MYBPC1: variants seen among roughly 807,000 people sequenced by gnomAD.
MYBPC1 encodes myosin binding protein C1.
MYBPC1 carries 52 observed loss-of-function variants against 147.1 expected under a neutral mutation model. That is an observed-to-expected ratio of 0.35 (90% CI 0.28 to 0.45). The LOEUF (loss-of-function observed/expected upper bound fraction) is 0.45. Ranked by LOEUF, MYBPC1 falls within the 20% of genes least tolerant of loss-of-function variation. The pLI is 1.00. For synonymous variants in MYBPC1, 477 were observed against 475.9 expected (o/e 1.00, Z -0.03); for missense variants, 1,228 against 1,440.3 (o/e 0.85, Z 2.39).
chr12:101,694,659 A>G, the MYBPC1 span, among the ~76,000 whole-genome samples: 1 of 152,202 alleles, frequency 6.6e-6, no homozygotes, highest in South Asian at 2.1e-4. Context: ...TTGACTTTGG[A>G]CTTCCCAGCC....
At position 101,673,547 on chromosome 12, in the gene MYBPC1, C is replaced by T. The variant is rs774451939; in HGVS notation, c.2734C>T (p.His912Tyr). Residue 912 changes from histidine to tyrosine, a missense_variant, in exon 25 of 32, where the codon CAC (histidine) becomes TAC (tyrosine). By Grantham distance (83) the His-to-Tyr change is moderately conservative (BLOSUM62 2). This residue lies in a region of MYBPC1 where 1,077 missense variants were observed against 1,314.2 expected (regional missense o/e 0.82). Transcript: ENST00000361466. ...IIFIRKAERS[H>Y]SGKYDLQVKV... Reference sequence around the variant, plus strand: ...ATTTATTAGAAAAGCAGAGAGGAGCCACTCTGGGAAATATGATCTGCAAGT... The same window carrying T: ...ATTTATTAGAAAAGCAGAGAGGAGCTACTCTGGGAAATATGATCTGCAAGT... The T allele has an allele frequency of 6.8e-6, 11 of 1,613,968 alleles. No homozygotes were observed. The South Asian group carries it at 1.2e-4, about 18-fold the overall frequency.
Position 101,673,510 on chromosome 12 carries a change from T to C in MYBPC1, c.2697T>C (p.Thr899=). ...KNQINIRNSE[T]DTIIFIRKAE... Reference sequence around the variant, plus strand: ...AAATAAACATTCGCAACTCTGAGACTGATACAATCATATTTATTAGAAAAG... The same window carrying C: ...AAATAAACATTCGCAACTCTGAGACCGATACAATCATATTTATTAGAAAAG... Residue 899 remains threonine (T), a synonymous_variant, in exon 25 of 32, where the codon ACT becomes ACC. Transcript: ENST00000361466. 6.2e-7 allele frequency: 1 copy of C among 1,614,102 alleles called. No individual in the cohort carries two copies. The highest frequency in any genetic ancestry group is 8.5e-7 in the Non-Finnish European group (1 of 1,179,978).
chr12:101,603,863 G>A (rs545624634), intron 1 of MYBPC1, among the ~76,000 whole-genome samples: 12 of 152,296 alleles, frequency 7.9e-5, no homozygotes, highest in African/African-American at 2.6e-4. Context: ...CTTGAGCCCA[G>A]GAGGCTGCAA....
At chr12:101,695,152 G>C in the MYBPC1 span, among the ~76,000 whole-genome samples, 1 of 152,154 alleles carries the variant, frequency 6.6e-6, no homozygotes, top group African/African-American at 2.4e-5. Context: ...ACATAATTAA[G>C]TTCTGGCCAA....
intron 1 of MYBPC1, among the ~76,000 whole-genome samples, chr12:101,603,300 G>A (rs1244160506): frequency 2.6e-5 from 4 of 151,488 alleles, no homozygotes; most frequent in African/African-American, 4.9e-5. Flanking sequence ...AGCCAAGATC[G>A]CGCCATTGCA....
At chr12:101,602,620 C>T (rs989090444) in intron 1 of MYBPC1, among the ~76,000 whole-genome samples, 1 of 152,140 alleles carries the variant, frequency 6.6e-6, no homozygotes, top group African/African-American at 2.4e-5. Context: ...GTATTAAATG[C>T]CTCATATTTC....
chr12:101,648,217 G>T, intron 14 of MYBPC1, 67 bp downstream of exon 14: 1 of 1,114,140 alleles, frequency 9.0e-7, no homozygotes, highest in Non-Finnish European at 1.4e-6. Context: ...ATAGTTGATA[G>T]AACAGGAAGT....
At chr12:101,642,377 T>C (rs763742743) in intron 10 of MYBPC1, 42 bp from the exon 11 acceptor site, 23 of 1,607,312 alleles carry the variant, frequency 1.4e-5, no homozygotes, top group Non-Finnish European at 2.0e-5. Context: ...TCTCTAAGGG[T>C]CAGTGCAGCT....
chr12:101,602,805 A>G (rs960055932), intron 1 of MYBPC1, among the ~76,000 whole-genome samples: 4 of 152,170 alleles, frequency 2.6e-5, no homozygotes, highest in Non-Finnish European at 4.4e-5. Context: ...GCTTTCACCC[A>G]TAGAAGCTCA....
chr12:101,659,888 G>A, intron 19 of MYBPC1, 57 bp downstream of exon 19: 2 of 1,593,746 alleles, frequency 1.3e-6, no homozygotes, highest in Non-Finnish European at 8.6e-7. Flanking sequence ...AAGATTCAGA[G>A]TAGACTTTCC....
downstream of MYBPC1, among the ~76,000 whole-genome samples, chr12:101,689,895 C>T (rs1951391899): frequency 1.3e-5 from 2 of 152,220 alleles, no homozygotes; most frequent in Non-Finnish European, 2.9e-5. Flanking sequence ...AAACTCTCTG[C>T]CGGGCGCGGT....
chr12:101,673,468 A>G lies in MYBPC1; in HGVS notation c.2655A>G (p.Ala885=), dbSNP rs751766505. Residue 885 remains alanine, a synonymous_variant, in exon 25 of 32, where the codon GCA becomes GCG. Coordinates refer to ENST00000361466, the MANE Select transcript of MYBPC1 (RefSeq NM_002465.4). ...AATTAACTTGGAAGAAGGATGGTGC[A>G]GAAATTGATAAGAATCAAATAAACA... ...RPELTWKKDG[A]EIDKNQINIR... The G allele has an allele frequency of 1.9e-6, 3 of 1,613,480 alleles. No individual in the cohort carries two copies. Among genetic ancestry groups the G allele is most frequent in the Admixed American group, 3.3e-5 (2 of 60,008 alleles).
At chr12:101,652,083 T>A (rs761334061) in intron 16 of MYBPC1, among the ~76,000 whole-genome samples, 25 of 152,216 alleles carry the variant, frequency 1.6e-4, no homozygotes, top group Admixed American at 3.3e-4. Context: ...TATCCTAGAA[T>A]CTGGCAAAGA....
chr12:101,600,687 A>G (rs1879544878), intron 1 of MYBPC1, among the ~76,000 whole-genome samples: 1 of 152,164 alleles, frequency 6.6e-6, no homozygotes, highest in Non-Finnish European at 1.5e-5. Flanking sequence ...ACAGAGAAGA[A>G]TTTTGATTAT....
chr12:101,644,828 T>C lies in MYBPC1; in HGVS notation c.965+32T>C, dbSNP rs73388421. On this transcript the variant is annotated intron_variant, in intron 12 of 31. Coordinates refer to ENST00000361466, the MANE Select transcript of MYBPC1 (RefSeq NM_002465.4). ...GGGCTTTGCAAAAATCAGTGATAGC[T>C]CTACAGTAAATTAATCAAATAGTAG... is the stretch of plus-strand genomic sequence containing the variant. 6.3e-3 allele frequency: 10,061 copies of C among 1,602,628 alleles called. 535 individuals carry two copies. In the African/African-American group the frequency reaches 0.11, roughly 18 times the overall value.
At chr12:101,631,962 A>G in intron 7 of MYBPC1, 59 bp from the exon 8 acceptor site, 1 of 1,439,848 alleles carries the variant, frequency 6.9e-7, no homozygotes, top group Non-Finnish European at 9.8e-7. Context: ...CTTTAAGCCA[A>G]TGCTGAGAAA....
rs1419987414 is a variant in MYBPC1 at position 101,663,571 on chromosome 12, C to T, written c.2356+11C>T. The T allele has an allele frequency of 6.2e-7, 1 of 1,613,552 alleles. No homozygotes were observed. On this transcript the variant is annotated intron_variant, in intron 22 of 31. Transcript: ENST00000361466. ...ATTGCTTTGAAGGAAGTAAGTACAACCAGTAGATAAAATGAATACTGTCAT... is the reference window on the plus strand; with the variant it reads ...ATTGCTTTGAAGGAAGTAAGTACAATCAGTAGATAAAATGAATACTGTCAT...
intron 1 of MYBPC1, among the ~76,000 whole-genome samples, chr12:101,598,001 A>G (rs921974903): frequency 5.9e-5 from 9 of 151,388 alleles, no homozygotes; most frequent in African/African-American, 1.9e-4. Context: ...CCTACTGTGT[A>G]AAGAAATCAC....
chr12:101,651,141 G>C, intron 15 of MYBPC1, 90 bp from the exon 16 acceptor site: 1 of 1,361,826 alleles, frequency 7.3e-7, no homozygotes, highest in Non-Finnish European at 1.1e-6. Context: ...AAACATTGTA[G>C]TAGAGCTCAC....
Sources: allele counts gnomAD v4.1 joint callset (sites outside exome capture counted in the v4.1 genomes callset), GRCh38; gene constraint gnomAD v4.1.1; regional missense constraint gnomAD v4.1.1; transcripts MANE v1.5; gene names NCBI Gene and HGNC (gene_info 2026-07-23, HGNC 2026-07-21).